The following NOS1 variants were observed in gnomAD, a reference collection of about 807,000 sequenced individuals.
The protein encoded by NOS1 is NOS type I.
NOS1 carries 51 observed loss-of-function variants against 164.5 expected under a neutral mutation model. That is an observed-to-expected ratio of 0.31 (90% CI 0.25 to 0.39). NOS1 has a LOEUF of 0.39. NOS1 is among the 10% of genes least tolerant of loss of function. The pLI is 1.00. For missense variants in NOS1, 1,362 were observed against 1,885.6 expected (o/e 0.72, Z 5.14); for synonymous variants, 719 against 745.8 (o/e 0.96, Z 0.59).
At chr12:117,332,793 A>G (rs2136076757) in intron 1 of NOS1, among the ~76,000 whole-genome samples, 1 of 152,122 alleles carries the variant, frequency 6.6e-6, no homozygotes, top group East Asian at 1.9e-4. Context: ...TGAACCAAGG[A>G]GGCGGAGGTT....
Position 117,244,630 on chromosome 12 carries a change from G to A in NOS1, c.2824-1195C>T, listed in dbSNP as rs80025141. On this transcript the variant is annotated intron_variant, in intron 18 of 28. Coordinates refer to ENST00000317775, the MANE Select transcript of NOS1 (RefSeq NM_000620.5). ...AGTTTTTACCATTGTTTGACCTCAT[G>A]TTGACTTCAAAACAATCCAAATGTT... Among the ~76,000 whole-genome samples, 1,460 of 152,288 alleles carry A rather than the reference G, an allele frequency of 9.6e-3. 22 individuals carry two copies. Among genetic ancestry groups the A allele is most frequent in the African/African-American group, 0.033 (1,371 of 41,560 alleles).
At chr12:117,294,589 C>T (rs369346596) in intron 3 of NOS1, among the ~76,000 whole-genome samples, 12 of 152,084 alleles carry the variant, frequency 7.9e-5, no homozygotes, top group African/African-American at 1.9e-4. Flanking sequence ...AGGGGAGAAA[C>T]GGGGAGATTA....
At chr12:117,322,749 ACTTCCTTCCCTC>A (rs1875042467) in intron 2 of NOS1, among the ~76,000 whole-genome samples, 2 of 30,716 alleles carry the variant, frequency 6.5e-5, no homozygotes, top group East Asian at 1.3e-3. Flanking sequence ...TTCCCTCCCC[ACTTCCTTCCCTC>A]CTTCCTTCCC....
At chr12:117,253,586 C>T in intron 17 of NOS1, 52 bp downstream of exon 17, 1 of 1,280,718 alleles carries the variant, frequency 7.8e-7, no homozygotes. Flanking sequence ...GGTCAAGCTC[C>T]CCAGGAGCCT....
chr12:117,299,969 G>A (rs953227268), intron 3 of NOS1, among the ~76,000 whole-genome samples: 5 of 151,994 alleles, frequency 3.3e-5, no homozygotes, highest in Non-Finnish European at 5.9e-5. Flanking sequence ...TAATTATCTC[G>A]TGGCCTGCCC....
intron 1 of NOS1, among the ~76,000 whole-genome samples, chr12:117,358,417 G>C (rs543415621): frequency 2.6e-5 from 4 of 152,204 alleles, no homozygotes; most frequent in Non-Finnish European, 5.9e-5. Flanking sequence ...GAAATATAAA[G>C]AGGAGACAGA....
intron 2 of NOS1, among the ~76,000 whole-genome samples, chr12:117,312,971 C>A (rs1162282982): frequency 1.3e-5 from 2 of 152,044 alleles, no homozygotes; most frequent in Non-Finnish European, 2.9e-5. Context: ...TTATTGTAAT[C>A]ATCATCATCT....
At chr12:117,296,321 CTGAGTGTGTCCG>C (rs1873413146) in intron 3 of NOS1, among the ~76,000 whole-genome samples, 1 of 152,188 alleles carries the variant, frequency 6.6e-6, no homozygotes, top group African/African-American at 2.4e-5. Context: ...AGTACTGTCC[CTGAGTGTGTCCG>C]TGAGGGTGTT....
intron 20 of NOS1, among the ~76,000 whole-genome samples, chr12:117,235,683 G>A (rs1318351455): frequency 6.6e-6 from 1 of 152,154 alleles, no homozygotes; most frequent in Non-Finnish European, 1.5e-5. Context: ...AGTTCAAGAG[G>A]CCTGTGCTAA....
In NOS1 at chr12:117,268,188, T is replaced by C. The variant is rs1399357634; in HGVS notation, c.1840-44A>G. The C allele has an allele frequency of 5.9e-6, 8 of 1,347,084 alleles. No individual in the cohort carries two copies. The South Asian group carries it at 9.4e-5, about 16-fold the overall frequency. 83.4% of individuals were successfully genotyped at this position (1,347,084 alleles called of 1,614,324 possible). A position where few individuals can be genotyped will look rare whatever the true frequency, so the allele number is the denominator to read the frequency against. On this transcript the variant is annotated intron_variant, in intron 10 of 28. Coordinates refer to ENST00000317775, the MANE Select transcript of NOS1 (RefSeq NM_000620.5). Reference sequence around the variant, plus strand: ...ACAGATATACAGGCTGGGGTATCTCTGGATTTCAGATTGAAGAGGGACAGG... The same window carrying C: ...ACAGATATACAGGCTGGGGTATCTCCGGATTTCAGATTGAAGAGGGACAGG...
intron 7 of NOS1, among the ~76,000 whole-genome samples, chr12:117,283,056 A>T (rs28662816): frequency 0.027 from 2,483 of 92,958 alleles, 53 homozygotes; most frequent in Non-Finnish European, 0.037. Flanking sequence ...ATATATATAT[A>T]TTTTTTTTTT....
chr12:117,211,397 C>T lies in NOS1; in HGVS notation c.*3912G>A, dbSNP rs1392611292. 1.0e-6 allele frequency: 1 copy of T among 985,482 alleles called. No homozygotes were observed. The highest frequency in any genetic ancestry group is 6.1e-5 in the Admixed American group (1 of 16,278). 61.0% of individuals were successfully genotyped at this position (985,482 alleles called of 1,614,324 possible). The stretch of plus-strand genomic sequence containing the variant: ...CAAGCCTTGGTTGCAGCAATAACCC[C>T]CCCAACAGCTCAACGGGCCATGCTC... On this transcript the variant is annotated 3_prime_UTR_variant, in exon 29 of 29. Coordinates refer to ENST00000317775, the MANE Select transcript of NOS1 (RefSeq NM_000620.5).
chr12:117,223,066 TAC>T (rs1868362962), intron 25 of NOS1, among the ~76,000 whole-genome samples: 1 of 152,034 alleles, frequency 6.6e-6, no homozygotes, highest in South Asian at 2.1e-4. Flanking sequence ...TACACACACA[TAC>T]ATATGCACGC....
Position 117,331,133 on chromosome 12 carries a change from C to T in NOS1, c.-64G>A. 6.5e-7 allele frequency: 1 copy of T among 1,544,966 alleles called. No homozygotes were observed. The highest frequency in any genetic ancestry group is 1.4e-5 in the African/African-American group (1 of 73,284). On this transcript the variant is annotated 5_prime_UTR_variant, in exon 2 of 29. Transcript: ENST00000317775. ...CAATGCTATCAGGCCAAGATGATTTCACCAGGAGGATCCAGGCTTCAGGCT... is the reference window on the plus strand; with the variant it reads ...CAATGCTATCAGGCCAAGATGATTTTACCAGGAGGATCCAGGCTTCAGGCT...
chr12:117,354,873 C>G (rs940595360), intron 1 of NOS1, among the ~76,000 whole-genome samples: 7 of 152,214 alleles, frequency 4.6e-5, no homozygotes, highest in African/African-American at 1.7e-4. Context: ...TAACTTCACT[C>G]TCGTTTATGA....
intron 1 of NOS1, among the ~76,000 whole-genome samples, chr12:117,348,554 T>C (rs968964625): frequency 2.6e-5 from 4 of 152,236 alleles, no homozygotes; most frequent in African/African-American, 7.2e-5. Flanking sequence ...TATTTTCCCT[T>C]ACAATGAACT....
intron 1 of NOS1, among the ~76,000 whole-genome samples, chr12:117,339,113 G>A (rs535417734): frequency 3.9e-5 from 6 of 152,316 alleles, no homozygotes; most frequent in African/African-American, 1.4e-4. Flanking sequence ...CAGGAATCAA[G>A]CTGAAGTGCT....
At chr12:117,322,966 T>C (rs568445814) in intron 2 of NOS1, among the ~76,000 whole-genome samples, 1 of 146,546 alleles carries the variant, frequency 6.8e-6, no homozygotes, top group African/African-American at 2.5e-5. Flanking sequence ...CAGAGAAGAA[T>C]GGAATGTGGT....
intron 3 of NOS1, among the ~76,000 whole-genome samples, chr12:117,305,457 C>T (rs1488029255): frequency 2.8e-5 from 4 of 142,742 alleles, no homozygotes; most frequent in Admixed American, 2.2e-4. Context: ...GAGTGAGACT[C>T]CATCTCAAAA....
Sources: allele counts gnomAD v4.1 joint callset (sites outside exome capture counted in the v4.1 genomes callset), GRCh38; gene constraint gnomAD v4.1.1; transcripts MANE v1.5; gene names NCBI Gene and HGNC (gene_info 2026-07-23, HGNC 2026-07-21).